Variants in NINL observed in about 807,000 individuals in gnomAD.
NINL encodes the protein ninein-like protein.
A neutral mutation model predicts 160.3 loss-of-function variants in NINL; 153 were observed. The observed-to-expected ratio is 0.95, with a 90% confidence interval of 0.84 to 1.09. The LOEUF is 1.09. Among genes scored for constraint, NINL ranks in the 50% least tolerant of loss-of-function variants. NINL has a pLI of 0.00. For missense variants in NINL, 1,829 were observed against 1,764.0 expected, an observed-to-expected ratio of 1.04 and a Z score of -0.66; for synonymous variants, 800 against 734.8, an observed-to-expected ratio of 1.09 and a Z score of -1.43.
intron 1 of NINL, among the ~76,000 whole-genome samples, chr20:25,555,801 A>T (rs968874697): frequency 6.6e-6 from 1 of 152,148 alleles, no homozygotes; most frequent in African/African-American, 2.4e-5. Flanking sequence ...CAGCCTCCCA[A>T]GTACGTAGGA....
At chr20:25,503,328 C>T (rs547093449) in intron 7 of NINL, among the ~76,000 whole-genome samples, 7 of 145,180 alleles carry the variant, frequency 4.8e-5, no homozygotes, top group South Asian at 4.7e-4. Flanking sequence ...AGGAGGTGGG[C>T]ACCTGAGCAG....
intron 1 of NINL, among the ~76,000 whole-genome samples, chr20:25,565,992 T>TG (rs2064996034): frequency 6.6e-6 from 1 of 152,242 alleles, no homozygotes; most frequent in Non-Finnish European, 1.5e-5. Context: ...TCCCTGGCTC[T>TG]GAGGCCTTCA....
chr20:25,562,058 C>T (rs1487083328), intron 1 of NINL, among the ~76,000 whole-genome samples: 5 of 145,746 alleles, frequency 3.4e-5, no homozygotes, highest in South Asian at 2.2e-4. Context: ...CCAGCCGCCC[C>T]GTCCGGGAGG....
At chr20:25,574,119 A>G (rs2065087545) in intron 1 of NINL, among the ~76,000 whole-genome samples, 1 of 152,222 alleles carries the variant, frequency 6.6e-6, no homozygotes, top group African/African-American at 2.4e-5. Context: ...TGTTATTTGA[A>G]TGATTCTAGT....
intron 23 of NINL, 88 bp downstream of exon 23, chr20:25,455,580 GCCTTT>G (rs1255004284): frequency 1.2e-6 from 1 of 847,776 alleles, no homozygotes; most frequent in Non-Finnish European, 2.0e-6. Flanking sequence ...TGACAAGACA[GCCTTT>G]TCCTGTATTA....
At chr20:25,474,451 C>G (rs1425631173) in intron 17 of NINL, among the ~76,000 whole-genome samples, 2 of 152,234 alleles carry the variant, frequency 1.3e-5, no homozygotes, top group Admixed American at 6.5e-5. Flanking sequence ...GCAACCGGGT[C>G]TCTGACACGG....
chr20:25,499,581 C>T (rs554412192), intron 8 of NINL, among the ~76,000 whole-genome samples: 1 of 152,148 alleles, frequency 6.6e-6, no homozygotes, highest in African/African-American at 2.4e-5. Flanking sequence ...GGTGATCCTG[C>T]CTCCGCCTCT....
intron 17 of NINL, among the ~76,000 whole-genome samples, chr20:25,470,440 G>A (rs1349290060): frequency 2.0e-5 from 3 of 152,192 alleles, no homozygotes; most frequent in Admixed American, 6.5e-5. Context: ...TGCCAGTGCT[G>A]GGCGTGAGTC....
intron 19 of NINL, among the ~76,000 whole-genome samples, chr20:25,466,181 T>C (rs2062908575): frequency 6.6e-6 from 1 of 151,862 alleles, no homozygotes; most frequent in Admixed American, 6.6e-5. Context: ...GGCAGCATAC[T>C]CAGCTGATTT....
chr20:25,506,560 C>G (rs940650310), intron 5 of NINL, among the ~76,000 whole-genome samples: 1 of 152,190 alleles, frequency 6.6e-6, no homozygotes, highest in African/African-American at 2.4e-5. Context: ...CTGAATATAC[C>G]TAACCCACCA....
intron 1 of NINL, among the ~76,000 whole-genome samples, chr20:25,546,357 G>A (rs2064732366): frequency 2.0e-5 from 3 of 152,120 alleles, no homozygotes; most frequent in African/African-American, 4.8e-5. Flanking sequence ...TCGTGGGTAA[G>A]TGCTTTCTTA....
At chr20:25,493,111 C>T (rs1262352853) in intron 10 of NINL, among the ~76,000 whole-genome samples, 1 of 152,168 alleles carries the variant, frequency 6.6e-6, no homozygotes. Flanking sequence ...ACAATTCACA[C>T]AAGTCTTTCC....
intron 2 of NINL, among the ~76,000 whole-genome samples, chr20:25,525,424 C>G (rs781617417): frequency 3.3e-5 from 5 of 152,024 alleles, no homozygotes; most frequent in Non-Finnish European, 7.4e-5. Flanking sequence ...GGCCAAGGCA[C>G]GTGGATTGCT....
chr20:25,456,192 G>A (rs544148199), intron 22 of NINL, among the ~76,000 whole-genome samples: 2 of 120,886 alleles, frequency 1.7e-5, no homozygotes, highest in African/African-American at 3.3e-5. Flanking sequence ...GCTGTGAGCC[G>A]AAATAGCACC....
chr20:25,558,938 G>A (rs547682227), intron 1 of NINL, among the ~76,000 whole-genome samples: 10 of 152,216 alleles, frequency 6.6e-5, no homozygotes, highest in African/African-American at 1.7e-4. Context: ...CGAGACACAC[G>A]CTTGCACCTT....
At chr20:25,553,261 T>G (rs1444683086) in intron 1 of NINL, among the ~76,000 whole-genome samples, 1 of 151,900 alleles carries the variant, frequency 6.6e-6, no homozygotes, top group African/African-American at 2.4e-5. Context: ...TGCCACCACA[T>G]GCAGCTTATT....
chr20:25,500,760 G>C, intron 8 of NINL, 80 bp downstream of exon 8: 1 of 1,514,370 alleles, frequency 6.6e-7, no homozygotes, highest in Non-Finnish European at 9.0e-7. Context: ...CCCTGGCTTG[G>C]GACGCTCCAT....
Position 25,453,452 on chromosome 20 carries a change from T to G in NINL, c.4148A>C (p.Ter1383SerextTer6). Reference sequence around the variant, plus strand: ...TGAATCCTAGAAAATAATCTGTCTTTACACAGAGAGGGCTGCGGGGGCAAT... The same window carrying G: ...TGAATCCTAGAAAATAATCTGTCTTGACACAGAGAGGGCTGCGGGGGCAAT... ...SRIAPAALSV[*>S] The change falls in exon 24 of 24, where the codon TAA becomes TCA. Residue 1383 changes from the stop codon to serine (S), a stop_lost. Transcript: ENST00000278886. 6.2e-7 allele frequency: 1 copy of G among 1,605,088 alleles called. No homozygotes were observed. Among genetic ancestry groups the G allele is most frequent in the South Asian group, 1.1e-5 (1 of 89,906 alleles).
chr20:25,470,762 A>G (rs2063075170), intron 17 of NINL, among the ~76,000 whole-genome samples: 1 of 152,196 alleles, frequency 6.6e-6, no homozygotes, highest in South Asian at 2.1e-4. Context: ...GGGGAGGCTG[A>G]GGCAGGAAGA....
Sources: allele counts gnomAD v4.1 joint callset (sites outside exome capture counted in the v4.1 genomes callset), GRCh38; gene constraint gnomAD v4.1.1; transcripts MANE v1.5; gene names NCBI Gene and HGNC (gene_info 2026-07-23, HGNC 2026-07-21).